Variants in PIGB observed in about 807,000 individuals in gnomAD.
PIGB encodes GPI alpha-1,2-mannosyltransferase 3.
Under a neutral mutation model 68.4 loss-of-function variants are expected in PIGB, and 58 were observed. The observed-to-expected ratio is 0.85, with a 90% CI of 0.69 to 1.06. PIGB has a LOEUF of 1.06. PIGB is among the 50% of genes least tolerant of loss of function. The pLI is 0.00. For missense variants in PIGB, 634 were observed against 655.8 expected, an observed-to-expected ratio of 0.97 and a Z score of 0.36; for synonymous variants, 219 against 220.5, an observed-to-expected ratio of 0.99 and a Z score of 0.06.
intron 3 of PIGB, chr15:55,324,755 G>T: frequency 1.1e-6 from 1 of 951,214 alleles, no homozygotes; most frequent in Non-Finnish European, 1.3e-6. Flanking sequence ...TAGCCAAATT[G>T]ACTTTTCATA....
At chr15:55,334,109 T>A in intron 6 of PIGB, 102 bp downstream of exon 6, 5 of 764,530 alleles carry the variant, frequency 6.5e-6, no homozygotes, top group Non-Finnish European at 9.7e-6. Context: ...TCTTCTAATG[T>A]CAATGAGAAC....
chr15:55,340,040 C>G (rs1210758678), intron 7 of PIGB: 2 of 151,926 alleles, frequency 1.3e-5, no homozygotes, highest in African/African-American at 4.8e-5. Flanking sequence ...ACTTAGACTG[C>G]CAAAATATAA....
intron 3 of PIGB, among the ~76,000 whole-genome samples, chr15:55,325,584 C>A (rs1003084119): frequency 3.3e-5 from 5 of 152,030 alleles, no homozygotes; most frequent in Non-Finnish European, 7.4e-5. Flanking sequence ...ATCTGAATAC[C>A]ATGTTCCTAT....
chr15:55,330,674 G>A (rs147550760), intron 5 of PIGB, among the ~76,000 whole-genome samples: 3 of 152,244 alleles, frequency 2.0e-5, no homozygotes, highest in Non-Finnish European at 4.4e-5. Flanking sequence ...CATTTGAGGC[G>A]TTTGAGTAGC....
intron 5 of PIGB, among the ~76,000 whole-genome samples, chr15:55,331,512 G>A (rs973012891): frequency 6.6e-6 from 1 of 152,032 alleles, no homozygotes; most frequent in Non-Finnish European, 1.5e-5. Flanking sequence ...TCGGGAGTTC[G>A]AGACCAGCCT....
rs1304365287 is a variant in PIGB at position 55,355,223 on chromosome 15, TTGAC to T, written c.1519-59_1519-56del. 2.0e-5 allele frequency: 26 copies of T among 1,326,036 alleles called. 1 individual carries two copies. The highest frequency in any genetic ancestry group is 1.4e-5 in the Non-Finnish European group (13 of 954,976). 82.1% of individuals were successfully genotyped at this position (1,326,036 alleles called of 1,614,324 possible). ...GCAATTAGAATAGGCAATTCTAAAATTGACTGAAACAGTACTCAGCAAAATGTAG... is the reference window on the plus strand; with the variant it reads ...GCAATTAGAATAGGCAATTCTAAAATTGAAACAGTACTCAGCAAAATGTAG... On this transcript the variant is annotated intron_variant, in intron 11 of 11. Transcript: ENST00000164305.
At chr15:55,340,561 T>A in intron 7 of PIGB, 51 bp from the exon 8 acceptor site, 1 of 1,234,232 alleles carries the variant, frequency 8.1e-7, no homozygotes, top group Non-Finnish European at 1.2e-6. Context: ...TGCCAAAGAT[T>A]ACTACTTGGC....
intron 9 of PIGB, 34 bp from the exon 10 acceptor site, chr15:55,350,665 A>T: frequency 7.6e-7 from 1 of 1,309,164 alleles, no homozygotes; most frequent in Non-Finnish European, 1.1e-6. Flanking sequence ...AAAGATTGTC[A>T]GTGTTAAGGT....
intron 3 of PIGB, among the ~76,000 whole-genome samples, chr15:55,325,280 C>T (rs1449433598): frequency 1.3e-5 from 2 of 151,946 alleles, no homozygotes; most frequent in African/African-American, 4.8e-5. Flanking sequence ...GAGCCAAGAT[C>T]GCACCACTGC....
intron 9 of PIGB, chr15:55,348,538 GA>G (rs1303848995): frequency 3.9e-5 from 6 of 152,738 alleles, no homozygotes; most frequent in African/African-American, 1.4e-4. Flanking sequence ...AGTAGTAAGT[GA>G]GTTCTCCTTA....
intron 7 of PIGB, chr15:55,340,324 C>T (rs769692830): frequency 1.8e-4 from 32 of 173,282 alleles, no homozygotes; most frequent in Admixed American, 3.6e-4. Context: ...GGCGTGGTAG[C>T]GGGCGCCTGT....
At chr15:55,324,979 C>A (rs897401115) in intron 3 of PIGB, 4 of 206,466 alleles carry the variant, frequency 1.9e-5, no homozygotes, top group Non-Finnish European at 3.4e-5. Flanking sequence ...CCACTGACAA[C>A]TAAAAGTAAA....
intron 3 of PIGB, among the ~76,000 whole-genome samples, chr15:55,321,646 C>CTTTTTTTTTTTTT (rs966940527): frequency 1.5e-5 from 1 of 68,348 alleles, no homozygotes; most frequent in Non-Finnish European, 2.6e-5. Flanking sequence ...ATACTTCTTT[C>CTTTTTTTTTTTTT]TTTTTTTTTT....
intron 10 of PIGB, among the ~76,000 whole-genome samples, chr15:55,352,771 A>C (rs1050120310): frequency 1.3e-5 from 2 of 152,178 alleles, no homozygotes; most frequent in Admixed American, 6.6e-5. Context: ...TAAATAAATA[A>C]ATACATAAAA....
chr15:55,339,025 C>T (rs752368330), intron 6 of PIGB, among the ~76,000 whole-genome samples: 2 of 152,162 alleles, frequency 1.3e-5, no homozygotes, highest in Non-Finnish European at 2.9e-5. Flanking sequence ...TGTTATACAG[C>T]AGTAGTCTTT....
chr15:55,322,430 A>G (rs1044002138), intron 3 of PIGB, among the ~76,000 whole-genome samples: 1 of 152,182 alleles, frequency 6.6e-6, no homozygotes, highest in Admixed American at 6.5e-5. Flanking sequence ...TGCTGGGGTC[A>G]GTTGCCAGGA....
At chr15:55,325,613 C>G (rs891957022) in intron 3 of PIGB, among the ~76,000 whole-genome samples, 2 of 152,042 alleles carry the variant, frequency 1.3e-5, no homozygotes, top group African/African-American at 4.8e-5. Flanking sequence ...AATATTTGTG[C>G]TTTTTTAAAA....
At chr15:55,324,795 A>C (rs1301875602) in intron 3 of PIGB, 1 of 984,964 alleles carries the variant, frequency 1.0e-6, no homozygotes, top group Non-Finnish European at 1.2e-6. Context: ...CTGGGAAGTA[A>C]GGATGAAGCT....
At position 55,327,534 on chromosome 15, in the gene PIGB, T is replaced by C. The variant is rs1397224699; in HGVS notation, c.421T>C (p.Trp141Arg). The C allele has an allele frequency of 4.4e-6, 7 of 1,596,338 alleles. No homozygotes were observed. In the Admixed American group the frequency reaches 8.7e-5, roughly 20 times the overall value. The stretch of plus-strand genomic sequence containing the variant: ...TTCTTCTTTTTAACTGATGAAGATT[T>C]GGATTCCTAGACTTGCCCAAGCACT... ...LGKDSVQLLI[W>R]IPRLAQALLS... Residue 141 changes from tryptophan to arginine, a missense_variant, in exon 4 of 12, where the codon TGG (tryptophan) becomes CGG (arginine). Physicochemically the swap from Trp to Arg is moderately radical, Grantham distance 101. Coordinates refer to ENST00000164305, the MANE Select transcript of PIGB (RefSeq NM_004855.5).
Sources: gnomAD v4.1 joint callset for allele counts (sites outside exome capture counted in the v4.1 genomes callset) on GRCh38, gnomAD v4.1.1 for gene constraint, MANE v1.5 for transcripts, NCBI Gene and HGNC (gene_info 2026-07-23, HGNC 2026-07-21) for gene names.